Variants in ANK1 observed in about 807,000 individuals in gnomAD.
ANK1 encodes ankyrin 1.
ANK1 carries 51 observed loss-of-function variants against 210.4 expected under a neutral mutation model. The observed-to-expected ratio is 0.24, with a 90% CI of 0.19 to 0.31. The LOEUF (loss-of-function observed/expected upper bound fraction) is 0.31, where lower values mean the gene tolerates loss of function less well. ANK1 is among the 10% of genes least tolerant of loss of function. The pLI is 1.00. For missense variants in ANK1, 2,051 were observed against 2,504.4 expected (o/e 0.82, Z 3.86); for synonymous variants, 967 against 1,025.9 (o/e 0.94, Z 1.10).
At position 41,759,420 on chromosome 8, in the gene ANK1, C is replaced by T. The variant is rs10111477; in HGVS notation, c.28-1283G>A. Among the ~76,000 whole-genome samples the T allele has an allele frequency of 2.6e-3, 402 of 152,170 alleles. 4 individuals are homozygous for T. Among genetic ancestry groups the T allele is most frequent in the African/African-American group, 9.4e-3 (391 of 41,524 alleles). Reference sequence around the variant, plus strand: ...ACTCAGGAGGCTGAGGCAGGAGAATCGCTTGAACCCGGGAGGTGGAGGTTG... The same window carrying T: ...ACTCAGGAGGCTGAGGCAGGAGAATTGCTTGAACCCGGGAGGTGGAGGTTG... On this transcript the variant is annotated intron_variant, in intron 1 of 42. Coordinates refer to ENST00000289734, the MANE Select transcript of ANK1 (RefSeq NM_000037.4).
At chr8:41,856,373 C>T (rs912866005) in intron 1 of ANK1, among the ~76,000 whole-genome samples, 3 of 152,036 alleles carry the variant, frequency 2.0e-5, no homozygotes, top group African/African-American at 4.8e-5. Context: ...ATTCTCTGCC[C>T]GAATATGATT....
In ANK1 at chr8:41,696,724, G is replaced by A. The variant is rs768152511; in HGVS notation, c.2687C>T (p.Thr896Ile). Residue 896 changes from threonine (T) to isoleucine (I), a missense_variant, in exon 25 of 43, where the codon ACC becomes ATC. Physicochemically the swap from Thr to Ile is moderately conservative, Grantham distance 89. Coordinates refer to ENST00000289734, the MANE Select transcript of ANK1 (RefSeq NM_000037.4). ...EDSLIPSSPA[T>I]ETSDNISPVA... The stretch of plus-strand genomic sequence containing the variant: ...CGGGCTGATGTTGTCTGAGGTCTCG[G>A]TGGCCGGGCTGCTGGGGATGAGGGA... The A allele has an allele frequency of 1.2e-6, 2 of 1,602,484 alleles. No individual in the cohort carries two copies. The highest frequency in any genetic ancestry group is 1.1e-5 in the South Asian group (1 of 91,072).
At chr8:41,768,936 G>C (rs377119330) in intron 1 of ANK1, among the ~76,000 whole-genome samples, 3 of 152,046 alleles carry the variant, frequency 2.0e-5, no homozygotes. Flanking sequence ...GCAACACTGC[G>C]CTCCAGCCCA....
chr8:41,693,803 G>A, intron 29 of ANK1, 95 bp downstream of exon 29: 1 of 1,392,726 alleles, frequency 7.2e-7, no homozygotes, highest in South Asian at 1.3e-5. Flanking sequence ...AAAACTAAGG[G>A]GATTGCTGGC....
At chr8:41,664,496 AAAAAG>A (rs1809687432) in intron 39 of ANK1, among the ~76,000 whole-genome samples, 1 of 146,480 alleles carries the variant, frequency 6.8e-6, no homozygotes. Flanking sequence ...AAACAAAAGA[AAAAAG>A]AGAAGAGAAG....
At chr8:41,720,466 T>C (rs148072433) in intron 9 of ANK1, among the ~76,000 whole-genome samples, 126 of 152,332 alleles carry the variant, frequency 8.3e-4, no homozygotes, top group African/African-American at 3.0e-3. Flanking sequence ...AAACAGCAAT[T>C]TGTTTAAAAA....
At chr8:41,747,010 G>T (rs1836356332) in intron 2 of ANK1, among the ~76,000 whole-genome samples, 1 of 152,110 alleles carries the variant, frequency 6.6e-6, no homozygotes, top group South Asian at 2.1e-4. Context: ...ACTGCTCTGA[G>T]CTTCCAGTTT....
At chr8:41,782,216 A>G (rs1044746742) in intron 1 of ANK1, among the ~76,000 whole-genome samples, 9 of 152,136 alleles carry the variant, frequency 5.9e-5, no homozygotes, top group African/African-American at 2.2e-4. Flanking sequence ...AAATAACTGA[A>G]TATTTCCATA....
intron 1 of ANK1, among the ~76,000 whole-genome samples, chr8:41,814,726 A>ATT (rs57383349): frequency 1.7e-4 from 25 of 150,508 alleles, no homozygotes; most frequent in South Asian, 6.3e-4. Flanking sequence ...TTAGATTCTT[A>ATT]TTTTTTTTTA....
At chr8:41,824,490 G>A (rs1196788265) in intron 1 of ANK1, among the ~76,000 whole-genome samples, 2 of 151,992 alleles carry the variant, frequency 1.3e-5, no homozygotes, top group Non-Finnish European at 2.9e-5. Context: ...GCAAATTCTC[G>A]CTGCTTTCAT....
intron 1 of ANK1, among the ~76,000 whole-genome samples, chr8:41,867,609 C>T (rs754525835): frequency 6.6e-5 from 10 of 152,026 alleles, no homozygotes; most frequent in South Asian, 2.1e-4. Flanking sequence ...TCCTTCCACC[C>T]GGCAGCACCC....
At chr8:41,799,537 A>C (rs770419442), upstream of ANK1, among the ~76,000 whole-genome samples, 1 of 152,228 alleles carries the variant, frequency 6.6e-6, no homozygotes. Flanking sequence ...GAACACCAGC[A>C]TATGAACACA....
rs998630779 is a variant in ANK1 at position 41,696,212 on chromosome 8, C to T, written c.2960+151G>A. The T allele has an allele frequency of 7.1e-6, 6 of 848,990 alleles. No individual in the cohort carries two copies. The East Asian group carries it at 1.1e-4, about 15-fold the overall frequency. The allele number at this position is 848,990 out of a possible 1,614,324, so 52.6% of individuals were successfully genotyped here. ...ACCTGAGATCTGAGAGTTGTAAGCCCTCTCAGGGCTATGGACACCTTCGTG... is the reference window on the plus strand; with the variant it reads ...ACCTGAGATCTGAGAGTTGTAAGCCTTCTCAGGGCTATGGACACCTTCGTG... On this transcript the variant is annotated intron_variant, in intron 26 of 42. Coordinates refer to ENST00000289734, the MANE Select transcript of ANK1 (RefSeq NM_000037.4).
chr8:41,715,544 C>T, intron 14 of ANK1, 108 bp downstream of exon 14: 2 of 1,393,536 alleles, frequency 1.4e-6, no homozygotes, highest in Non-Finnish European at 2.0e-6. Context: ...CAGCTGCTTG[C>T]AGCATCATTG....
intron 1 of ANK1, among the ~76,000 whole-genome samples, chr8:41,764,319 T>C (rs1308028324): frequency 6.6e-6 from 1 of 152,180 alleles, no homozygotes; most frequent in African/African-American, 2.4e-5. Flanking sequence ...CCCATCTGTG[T>C]AGTCCAACTG....
intron 1 of ANK1, among the ~76,000 whole-genome samples, chr8:41,796,399 T>C (rs537346109): frequency 6.6e-6 from 1 of 152,102 alleles, no homozygotes; most frequent in South Asian, 2.1e-4. Context: ...AAGTTGGCTA[T>C]GATCAGGTCT....
At position 41,700,352 on chromosome 8, in the gene ANK1, A is replaced by G. The variant is rs1033153540; in HGVS notation, c.2462-804T>C. The stretch of plus-strand genomic sequence containing the variant: ...AGAGGAAGATGGAAAGCAGGAATGG[A>G]TTAGTGAGCATCAGGGTTGCTTAGG... On this transcript the variant is annotated intron_variant, in intron 22 of 42. Coordinates refer to ENST00000289734, the MANE Select transcript of ANK1 (RefSeq NM_000037.4). The G allele has an allele frequency of 4.2e-6, 6 of 1,438,282 alleles. No homozygotes were observed. In the African/African-American group the frequency reaches 8.4e-5, roughly 20 times the overall value. The allele number at this position is 1,438,282 out of a possible 1,614,324, so 89.1% of individuals were successfully genotyped here.
chr8:41,780,911 A>G (rs1227918982), intron 1 of ANK1, among the ~76,000 whole-genome samples: 1 of 135,608 alleles, frequency 7.4e-6, no homozygotes, highest in Non-Finnish European at 1.6e-5. Context: ...GGCTGGGGAC[A>G]GGGTTGGGGG....
At chr8:41,688,370 C>G in intron 34 of ANK1, 140 bp from the exon 35 acceptor site, 7 of 1,415,850 alleles carry the variant, frequency 4.9e-6, no homozygotes, top group South Asian at 1.2e-5. Flanking sequence ...GGGGAAGACC[C>G]GAGTCAGCTC....
Sources: allele counts gnomAD v4.1 joint callset (sites outside exome capture counted in the v4.1 genomes callset), GRCh38; gene constraint gnomAD v4.1.1; transcripts MANE v1.5; gene names NCBI Gene and HGNC (gene_info 2026-07-23, HGNC 2026-07-21).